The following BLOC1S6 variants were observed in gnomAD, a reference collection of about 807,000 sequenced individuals.
The protein encoded by BLOC1S6 is biogenesis of lysosome-related organelles complex 1 subunit 6.
BLOC1S6 carries 24 observed loss-of-function variants against 24.7 expected under a neutral mutation model. The observed-to-expected ratio is 0.97, with a 90% CI of 0.70 to 1.37. BLOC1S6 has a LOEUF of 1.37. Among genes scored for constraint, BLOC1S6 ranks in the 40% most tolerant of loss-of-function variants. The probability of loss-of-function intolerance (pLI) is 0.00; values close to 1 mark genes in which losing one functional copy is unlikely to be tolerated. For missense variants in BLOC1S6, 175 were observed against 196.2 expected, an observed-to-expected ratio of 0.89 and a Z score of 0.64; for synonymous variants, 76 against 72.6, an observed-to-expected ratio of 1.05 and a Z score of -0.23.
At chr15:45,593,210 C>A (rs1301605108) in intron 2 of BLOC1S6, among the ~76,000 whole-genome samples, 11 of 151,358 alleles carry the variant, frequency 7.3e-5, no homozygotes, top group African/African-American at 2.4e-4. Context: ...CCTGGCGAAA[C>A]CCTGTCTCTA....
At chr15:45,587,859 A>G (rs1893741015) in intron 1 of BLOC1S6, 1 of 671,920 alleles carries the variant, frequency 1.5e-6, no homozygotes. Context: ...AAAGATGATC[A>G]GCTTATAATT....
intron 2 of BLOC1S6, among the ~76,000 whole-genome samples, chr15:45,601,966 T>C (rs1894284816): frequency 6.6e-6 from 1 of 152,146 alleles, no homozygotes; most frequent in Non-Finnish European, 1.5e-5. Flanking sequence ...CTGCAGTTTC[T>C]AACTCCTGGG....
intron 1 of BLOC1S6, 89 bp from the exon 2 acceptor site, chr15:45,592,046 T>G: frequency 6.8e-7 from 1 of 1,461,232 alleles, no homozygotes; most frequent in Non-Finnish European, 9.3e-7. Context: ...GATTTCTTTG[T>G]TCCTTCTCTA....
intron 1 of BLOC1S6, among the ~76,000 whole-genome samples, chr15:45,588,389 C>G (rs1255973221): frequency 6.6e-6 from 1 of 152,208 alleles, no homozygotes; most frequent in Non-Finnish European, 1.5e-5. Context: ...CTGTTTTGCA[C>G]TAATCTCACG....
intron 2 of BLOC1S6, chr15:45,597,997 G>C (rs1282857062): frequency 8.6e-6 from 2 of 233,432 alleles, no homozygotes; most frequent in Admixed American, 5.4e-5. Flanking sequence ...CCATGATCAA[G>C]TAGGCTTCAT....
chr15:45,591,269 G>A (rs1893875024), intron 1 of BLOC1S6, among the ~76,000 whole-genome samples: 1 of 152,086 alleles, frequency 6.6e-6, no homozygotes, highest in Non-Finnish European at 1.5e-5. Flanking sequence ...CAAAATCGAT[G>A]TTGACCTACA....
intron 1 of BLOC1S6, among the ~76,000 whole-genome samples, chr15:45,589,185 A>T (rs1486918701): frequency 6.6e-6 from 1 of 152,240 alleles, no homozygotes; most frequent in Non-Finnish European, 1.5e-5. Context: ...ATAATGTAGT[A>T]GATCCCTATA....
Position 45,605,533 on chromosome 15 carries a change from C to T in BLOC1S6, c.399+19C>T. The T allele has an allele frequency of 6.6e-7, 1 of 1,513,734 alleles. No individual in the cohort carries two copies. The highest frequency in any genetic ancestry group is 9.1e-7 in the Non-Finnish European group (1 of 1,093,324). 93.8% of individuals were successfully genotyped at this position (1,513,734 alleles called of 1,614,324 possible). On this transcript the variant is annotated intron_variant, in intron 4 of 4. Transcript: ENST00000220531. ...GTTAAAAGTGAGTTGAAAATTCTTT[C>T]ACATTCTTTACAAAAGTAGAGGTTT...
At chr15:45,603,527 T>C (rs963777873) in intron 3 of BLOC1S6, among the ~76,000 whole-genome samples, 10 of 152,104 alleles carry the variant, frequency 6.6e-5, no homozygotes, top group Non-Finnish European at 1.2e-4. Flanking sequence ...CTGGGCTACA[T>C]AGTGAGAACC....
At chr15:45,593,869 T>C (rs911182367) in intron 2 of BLOC1S6, among the ~76,000 whole-genome samples, 1 of 152,146 alleles carries the variant, frequency 6.6e-6, no homozygotes, top group Non-Finnish European at 1.5e-5. Context: ...TTATTTACAA[T>C]TGAGGAAACT....
In BLOC1S6 at chr15:45,606,563, A is replaced by T. The variant is rs559243676; in HGVS notation, c.*49A>T. On this transcript the variant is annotated 3_prime_UTR_variant, in exon 5 of 5. Transcript: ENST00000220531. Reference sequence around the variant, plus strand: ...TCTCCTGTCCCATATTTGGGTTATGATGACTCAAGTGTAGACTGAAGTTGA... The same window carrying T: ...TCTCCTGTCCCATATTTGGGTTATGTTGACTCAAGTGTAGACTGAAGTTGA... 8.7e-6 allele frequency: 14 copies of T among 1,613,748 alleles called. 1 individual carries two copies. The South Asian group carries it at 1.3e-4, about 15-fold the overall frequency.
At position 45,592,415 on chromosome 15, in the gene BLOC1S6, A is replaced by C. The variant is rs1429679374; in HGVS notation, c.224+139A>C. 4 of 1,053,476 alleles carry C rather than the reference A, an allele frequency of 3.8e-6. No homozygotes were observed. In the African/African-American group the frequency reaches 6.3e-5, roughly 17 times the overall value. 65.3% of individuals were successfully genotyped at this position (1,053,476 alleles called of 1,614,324 possible). A position where few individuals can be genotyped will look rare whatever the true frequency, so the allele number is the denominator to read the frequency against. Reference sequence around the variant, plus strand: ...GTATGTCTATATCTTTATTGATAGCAGATGGGAATAGAGGAGTACATAGTA... The same window carrying C: ...GTATGTCTATATCTTTATTGATAGCCGATGGGAATAGAGGAGTACATAGTA... On this transcript the variant is annotated intron_variant, in intron 2 of 4. Transcript: ENST00000220531.
Position 45,600,537 on chromosome 15 carries a change from T to A in BLOC1S6, c.225-2563T>A, listed in dbSNP as rs186873359. ...ATAGATGCTGGATTTTGTCAAATGC[T>A]TTTTCTACATCAATTGATAGGACCA... On this transcript the variant is annotated intron_variant, in intron 2 of 4. Coordinates refer to ENST00000220531, the MANE Select transcript of BLOC1S6 (RefSeq NM_012388.4). Among the ~76,000 whole-genome samples the A allele has an allele frequency of 2.1e-3, 318 of 152,336 alleles. 2 individuals carry two copies. Among genetic ancestry groups the A allele is most frequent in the Middle Eastern group, 3.4e-3 (1 of 294 alleles).
chr15:45,604,755 A>G (rs1234262864), intron 3 of BLOC1S6, among the ~76,000 whole-genome samples: 2 of 152,134 alleles, frequency 1.3e-5, no homozygotes, highest in Admixed American at 1.3e-4. Context: ...ACCTTGTCTG[A>G]AAATAGGGTG....
chr15:45,587,560 TGGGTGTGAGGGGCG>T (rs1203113280), intron 1 of BLOC1S6, 35 bp downstream of exon 1: 13 of 1,536,366 alleles, frequency 8.5e-6, no homozygotes, highest in Non-Finnish European at 1.1e-5. Context: ...CGGCCCGGGC[TGGGTGTGAGGGGCG>T]GGGACCTGAG....
Position 45,592,272 on chromosome 15 carries a change from C to G in BLOC1S6, c.220C>G (p.Leu74Val). Residue 74 changes from leucine to valine, a missense_variant, in exon 2 of 5, where the codon CTC becomes GTC. Coordinates refer to ENST00000220531, the MANE Select transcript of BLOC1S6 (RefSeq NM_012388.4). ...GAGATCAAAACAAGCCCTCCAGGAA[C>G]TCACGTAAGCTAATAAAAAACCAGA... ...LQRSKQALQE[L>V]TQNQVVLLDT... 5.6e-6 allele frequency: 9 copies of G among 1,613,870 alleles called. No individual in the cohort carries two copies. Among genetic ancestry groups the G allele is most frequent in the Non-Finnish European group, 7.6e-6 (9 of 1,180,010 alleles).
chr15:45,596,197 A>T (rs1044585476), intron 2 of BLOC1S6, among the ~76,000 whole-genome samples: 1 of 151,552 alleles, frequency 6.6e-6, no homozygotes, highest in African/African-American at 2.4e-5. Flanking sequence ...AGCACCATTT[A>T]TTGTTGTTGT....
chr15:45,606,097 C>T (rs570070311), intron 4 of BLOC1S6, among the ~76,000 whole-genome samples: 83 of 152,174 alleles, frequency 5.5e-4, no homozygotes, highest in Non-Finnish European at 1.2e-3. Context: ...TGAGCCACTG[C>T]GTGCAGCCTT....
chr15:45,587,490 C>T lies in BLOC1S6; in HGVS notation c.47C>T (p.Pro16Leu), dbSNP rs1042113102. The T allele has an allele frequency of 6.3e-6, 10 of 1,585,462 alleles. No individual in the cohort carries two copies. In the Admixed American group the frequency reaches 8.9e-5, roughly 14 times the overall value. ...PSSPDGALTR[P>L]PYCLEAGEPT... is the part of the protein sequence containing the mutation. ...TCTCCGGACGGGGCCCTGACACGGC[C>T]ACCCTACTGCCTGGAGGCCGGGGAG... Residue 16 changes from proline (P) to leucine (L), a missense_variant, in exon 1 of 5, where the codon CCA becomes CTA. Physicochemically the swap from Pro to Leu is moderately conservative, Grantham distance 98. Transcript: ENST00000220531.
Sources: gnomAD v4.1 joint callset for allele counts (sites outside exome capture counted in the v4.1 genomes callset) on GRCh38, gnomAD v4.1.1 for gene constraint, MANE v1.5 for transcripts, NCBI Gene and HGNC (gene_info 2026-07-23, HGNC 2026-07-21) for gene names.